TAF1: variants seen among roughly 807,000 people sequenced by gnomAD.
The protein encoded by TAF1 is transcription initiation factor TFIID subunit 1.
A neutral mutation model predicts 138.5 loss-of-function variants in TAF1; 2 were observed. The ratio of observed to expected loss-of-function variants is 0.01; its 90% CI spans 0.01 to 0.05. The LOEUF (loss-of-function observed/expected upper bound fraction) is 0.05, where lower values mean the gene tolerates loss of function less well. Among genes scored for constraint, TAF1 ranks in the 10% least tolerant of loss-of-function variants. The probability of loss-of-function intolerance (pLI) is 1.00; values close to 1 mark genes in which losing one functional copy is unlikely to be tolerated. For missense variants in TAF1, 709 were observed against 1,478.0 expected, an observed-to-expected ratio of 0.48 and a Z score of 8.53; for synonymous variants, 437 against 503.2, an observed-to-expected ratio of 0.87 and a Z score of 1.76.
chrX:71,423,508 C>T (rs181738574), intron 30 of TAF1, among the ~76,000 whole-genome samples: 2 of 110,854 alleles, frequency 1.8e-5, no homozygotes, highest in East Asian at 5.7e-4. Flanking sequence ...TATATGAATG[C>T]TCCTGAATAG....
chrX:71,452,509 C>G (rs1046955965), intron 32 of TAF1, among the ~76,000 whole-genome samples: 26 of 109,474 alleles, frequency 2.4e-4, no homozygotes, highest in African/African-American at 8.7e-4. Context: ...GGATGGCGGC[C>G]GGGAAGAAGC....
chrX:71,476,374 G>A (rs1368934615), intron 13 of TAF1, among the ~76,000 whole-genome samples: 2 of 111,242 alleles, frequency 1.8e-5, no homozygotes, highest in African/African-American at 6.5e-5. Context: ...GGTGGCTCAT[G>A]CCTGTAATTT....
chrX:71,424,535 A>G (rs1388054902), intron 32 of TAF1, among the ~76,000 whole-genome samples: 1 of 104,154 alleles, frequency 9.6e-6, no homozygotes, highest in African/African-American at 3.5e-5. Context: ...GTGTGAGCCA[A>G]CACGCCTAAC....
chrX:71,447,772 T>A (rs901162154), intron 32 of TAF1, among the ~76,000 whole-genome samples: 5 of 110,484 alleles, frequency 4.5e-5, no homozygotes, highest in Non-Finnish European at 9.5e-5. Flanking sequence ...CTTGCGTTTC[T>A]TCTCACATCA....
chrX:71,473,033 T>G (rs970702958), intron 13 of TAF1, among the ~76,000 whole-genome samples: 1 of 112,384 alleles, frequency 8.9e-6, no homozygotes, highest in Non-Finnish European at 1.9e-5. Flanking sequence ...TTTTTGTTGC[T>G]CATTTTCACT....
At position 71,408,034 on chromosome X, in the gene TAF1, A is replaced by G. The variant is rs759451721; in HGVS notation, c.4267A>G (p.Thr1423Ala). The stretch of plus-strand genomic sequence containing the variant: ...TGTAAAGGACTACTACAAAATCATC[A>G]CTCGGCCAATGGACCTACAAACACT... ...KVVKDYYKII[T>A]RPMDLQTLRE... Residue 1423 changes from threonine (T) to alanine (A), a missense_variant, in exon 28 of 38, where the codon ACT (threonine) becomes GCT (alanine). Around this residue, in one of 14 missense-constraint regions of TAF1, gnomAD observed 63 missense variants for 163.3 expected, o/e 0.39. Coordinates refer to ENST00000423759, the MANE Select transcript of TAF1 (RefSeq NM_004606.5). 2 of 1,211,261 alleles carry G rather than the reference A, an allele frequency of 1.7e-6. No homozygotes were observed. Among genetic ancestry groups the G allele is most frequent in the East Asian group, 3.0e-5 (1 of 33,816 alleles).
chrX:71,470,138 G>A (rs180770157), downstream of TAF1, among the ~76,000 whole-genome samples: 423 of 111,431 alleles, frequency 3.8e-3, no homozygotes, highest in Non-Finnish European at 6.2e-3. Flanking sequence ...GTTAACAGAG[G>A]TTCTCTCTAG....
chrX:71,439,896 C>G (rs1483237795), intron 32 of TAF1, among the ~76,000 whole-genome samples: 2 of 111,659 alleles, frequency 1.8e-5, no homozygotes, highest in African/African-American at 6.5e-5. Flanking sequence ...GTATCAAAAC[C>G]AGGAAATTTA....
At chrX:71,451,486 CT>C (rs1308093293) in intron 32 of TAF1, among the ~76,000 whole-genome samples, 123 of 97,796 alleles carry the variant, frequency 1.3e-3, no homozygotes, top group South Asian at 2.6e-3. Context: ...TTTTTTTTTC[CT>C]TTTTTTTTTT....
chrX:71,447,938 A>T (rs1389190333), intron 32 of TAF1, among the ~76,000 whole-genome samples: 1 of 111,720 alleles, frequency 9.0e-6, no homozygotes. Context: ...ATTTGGTATG[A>T]GGCAAAGTAT....
chrX:71,372,244 C>T (rs2033113608), intron 3 of TAF1, among the ~76,000 whole-genome samples: 3 of 109,279 alleles, frequency 2.7e-5, no homozygotes, highest in Non-Finnish European at 5.7e-5. Flanking sequence ...CCAGCCTGAC[C>T]AACATGGTGA....
chrX:71,514,448 G>A lies in TAF1; in HGVS notation c.1367-14094G>A, dbSNP rs369901598. Among the ~76,000 whole-genome samples the A allele has an allele frequency of 2.5e-3, 227 of 89,165 alleles. 2 individuals carry two copies. Among genetic ancestry groups the A allele is most frequent in the African/African-American group, 8.8e-3 (212 of 23,995 alleles). The allele number at this position is 89,165 out of a possible 115,157, so 77.4% of individuals were successfully genotyped here. On this transcript the variant is annotated intron_variant and NMD_transcript_variant, in intron 13 of 14. Coordinates refer to the TAF1 transcript ENST00000373775. ...AAAGGACTAGAGGAGTCCATAAGAGGTTAAAAAACTAAACCAAAAAAAAAA... is the reference window on the plus strand; with the variant it reads ...AAAGGACTAGAGGAGTCCATAAGAGATTAAAAAACTAAACCAAAAAAAAAA...
chrX:71,461,790 G>A (rs1311627325), intron 37 of TAF1, among the ~76,000 whole-genome samples: 2 of 111,756 alleles, frequency 1.8e-5, no homozygotes, highest in African/African-American at 6.5e-5. Context: ...ACCTAAAACA[G>A]GTAAAACAGG....
intron 36 of TAF1, 79 bp from the exon 37 acceptor site, chrX:71,460,547 T>C: frequency 1.8e-6 from 2 of 1,095,056 alleles, no homozygotes; most frequent in Admixed American, 2.6e-5. Flanking sequence ...AGTTACTAGT[T>C]TGGGAAGATC....
chrX:71,519,802 G>T (rs745761366), intron 13 of TAF1, among the ~76,000 whole-genome samples: 62 of 109,972 alleles, frequency 5.6e-4, no homozygotes, highest in African/African-American at 1.5e-3. Context: ...TTTATTTATT[G>T]TTTGTTTGTT....
intron 32 of TAF1, among the ~76,000 whole-genome samples, chrX:71,425,250 C>T (rs2036540551): frequency 9.0e-6 from 1 of 111,206 alleles, no homozygotes; most frequent in Non-Finnish European, 1.9e-5. Context: ...TATGCCAGGC[C>T]CTGTGCTAGC....
intron 13 of TAF1, among the ~76,000 whole-genome samples, chrX:71,384,477 C>T (rs953330136): frequency 7.4e-5 from 8 of 107,976 alleles, no homozygotes; most frequent in Non-Finnish European, 1.5e-4. Flanking sequence ...GTGGCATGAT[C>T]TCCACTCACT....
intron 14 of TAF1, among the ~76,000 whole-genome samples, chrX:71,386,807 G>A (rs2148323699): frequency 8.8e-6 from 1 of 113,065 alleles, no homozygotes; most frequent in Non-Finnish European, 1.9e-5. Flanking sequence ...TTCAACAAAT[G>A]TTGCTCTCAC....
In TAF1 at chrX:71,382,523, G is replaced by C. The variant is rs1407723927; in HGVS notation, c.1538-13G>C. 3 of 1,199,293 alleles carry C rather than the reference G, an allele frequency of 2.5e-6. No homozygotes were observed. Among genetic ancestry groups the C allele is most frequent in the Non-Finnish European group, 2.2e-6 (2 of 892,273 alleles). ...AGGGAGAGCAACTCAAGTGATTTTT[G>C]TTTTATTCTCAGAAATTCCTGATGA... On this transcript the variant is annotated splice_polypyrimidine_tract_variant and intron_variant, in intron 9 of 37. Transcript: ENST00000423759.
Sources: gnomAD v4.1 joint callset for allele counts (sites outside exome capture counted in the v4.1 genomes callset) on GRCh38, gnomAD v4.1.1 for gene constraint, gnomAD v4.1.1 regional missense constraint, MANE v1.5 for transcripts, NCBI Gene and HGNC (gene_info 2026-07-23, HGNC 2026-07-21) for gene names.